CELF2: variants seen among roughly 807,000 people sequenced by gnomAD.
CELF2 encodes CUG triplet repeat RNA-binding protein 2.
Under a neutral mutation model 62.6 loss-of-function variants are expected in CELF2, and 8 were observed. That is an observed-to-expected ratio of 0.13 (90% CI 0.07 to 0.23). The LOEUF is 0.23. CELF2 is among the 10% of genes least tolerant of loss of function. CELF2 has a pLI of 1.00. For missense variants in CELF2, 333 were observed against 671.0 expected, an observed-to-expected ratio of 0.50 and a Z score of 5.56; for synonymous variants, 258 against 250.0, an observed-to-expected ratio of 1.03 and a Z score of -0.30.
rs1367650300 is a variant in CELF2, at chr10:10,972,548, A to G, written c.89+52549A>G. On this transcript the variant is annotated intron_variant, in intron 2 of 13. Transcript: ENST00000636488. The surrounding 1 kb of genome is among the most constrained non-coding windows in gnomAD (Gnocchi z 4.4). ...GCTTTGACCCACTGCTCTTCTTTCT[A>G]TATATTTACTCCCTGGCTGAGCTCA... 2.0e-5 allele frequency among the ~76,000 whole-genome samples: 3 copies of G among 151,918 alleles called. No homozygotes were observed. Among genetic ancestry groups the G allele is most frequent in the African/African-American group, 7.3e-5 (3 of 41,334 alleles).
chr10:10,662,307 A>G, the CELF2 span, among the ~76,000 whole-genome samples: 21 of 152,242 alleles, frequency 1.4e-4, no homozygotes, highest in Non-Finnish European at 2.5e-4. Flanking sequence ...GCTCAGATCC[A>G]GTGACTCCAG....
the CELF2 span, among the ~76,000 whole-genome samples, chr10:10,619,375 G>A: frequency 6.6e-6 from 1 of 152,192 alleles, no homozygotes. Context: ...CCAATTAGAG[G>A]CTATGGAAAA....
the CELF2 span, among the ~76,000 whole-genome samples, chr10:10,596,692 G>C: frequency 6.6e-6 from 1 of 152,238 alleles, no homozygotes; most frequent in Non-Finnish European, 1.5e-5. Flanking sequence ...CCAGGCATTT[G>C]TCCTCTTGTC....
In CELF2 at chr10:11,237,201, TAGG is replaced by T. The variant is rs1055930600; in HGVS notation, c.355-11949_355-11947del. 4.0e-5 allele frequency among the ~76,000 whole-genome samples: 6 copies of T among 151,646 alleles called. No individual in the cohort carries two copies. Among genetic ancestry groups the T allele is most frequent in the African/African-American group, 9.7e-5 (4 of 41,214 alleles). ...AAAGTCTATGAGAAGGAAAAGAAATTAGGAGAGAGAGAGAGAGCTAAACTGAGG... is the reference window on the plus strand; with the variant it reads ...AAAGTCTATGAGAAGGAAAAGAAATTAGAGAGAGAGAGAGCTAAACTGAGG... On this transcript the variant is annotated intron_variant, in intron 3 of 12. Transcript: ENST00000633077. The surrounding 1 kb of genome is among the most constrained non-coding windows in gnomAD (Gnocchi z 4.0).
the CELF2 span, among the ~76,000 whole-genome samples, chr10:10,517,136 G>A: frequency 4.7e-4 from 72 of 152,212 alleles, 1 homozygote; most frequent in African/African-American, 1.7e-3. Context: ...TTTACTCTAT[G>A]CAATTTATCT....
At chr10:10,766,589 G>T in the CELF2 span, among the ~76,000 whole-genome samples, 1 of 152,180 alleles carries the variant, frequency 6.6e-6, no homozygotes, top group Non-Finnish European at 1.5e-5. Context: ...ACTGCTGGAG[G>T]TTAGGTACTC....
At chr10:11,054,479 G>T (rs1027923743) in intron 1 of CELF2, among the ~76,000 whole-genome samples, 1 of 101,368 alleles carries the variant, frequency 9.9e-6, no homozygotes. Flanking sequence ...AAACAACTGT[G>T]TATGTGTGTT....
the CELF2 span, among the ~76,000 whole-genome samples, chr10:10,482,096 C>T: frequency 2.0e-5 from 3 of 152,122 alleles, no homozygotes; most frequent in Admixed American, 6.5e-5. Context: ...ATACACTCTG[C>T]GTCTGTGAGA....
chr10:11,034,837 G>T (rs1165643871), intron 1 of CELF2, among the ~76,000 whole-genome samples: 3 of 152,096 alleles, frequency 2.0e-5, no homozygotes, highest in African/African-American at 7.2e-5. Flanking sequence ...ACCCGGGATT[G>T]GGAATCTTGA....
In CELF2 at chr10:10,888,102, G is replaced by A. The variant is rs534851272; in HGVS notation, c.54-31862G>A. 2.0e-5 allele frequency among the ~76,000 whole-genome samples: 3 copies of A among 152,242 alleles called. No homozygotes were observed. In the East Asian group the frequency reaches 5.8e-4, roughly 29 times the overall value. On this transcript the variant is annotated intron_variant, in intron 1 of 13. Coordinates refer to the CELF2 transcript ENST00000636488. ...TAGACTTTTGATGCACTAACTGTAT[G>A]TGGGGGATGGTTTAGGATGTCAAGA...
At chr10:10,686,896 T>C in the CELF2 span, among the ~76,000 whole-genome samples, 1 of 152,214 alleles carries the variant, frequency 6.6e-6, no homozygotes, top group African/African-American at 2.4e-5. Flanking sequence ...ATGCCCAGCC[T>C]TATCTTCTTA....
At chr10:10,971,092 C>T (rs1033059628) in intron 2 of CELF2, among the ~76,000 whole-genome samples, 1 of 152,240 alleles carries the variant, frequency 6.6e-6, no homozygotes, top group African/African-American at 2.4e-5. Context: ...AACTCCTTCT[C>T]CTTGGGCTCC....
the CELF2 span, among the ~76,000 whole-genome samples, chr10:10,570,925 T>A: frequency 1.3e-5 from 2 of 152,018 alleles, no homozygotes; most frequent in Non-Finnish European, 2.9e-5. Flanking sequence ...TTTTTTGAGG[T>A]TGAAAGTGCG....
chr10:10,497,349 C>A, the CELF2 span, among the ~76,000 whole-genome samples: 3 of 152,092 alleles, frequency 2.0e-5, no homozygotes, highest in South Asian at 4.1e-4. Context: ...GAGAATCATG[C>A]ATTCAGTTCA....
At chr10:10,780,985 A>T in the CELF2 span, among the ~76,000 whole-genome samples, 1 of 152,246 alleles carries the variant, frequency 6.6e-6, no homozygotes, top group South Asian at 2.1e-4. Flanking sequence ...TGCCTCATTG[A>T]TAAAACATTC....
At chr10:10,954,235 A>ATTG (rs1193382897) in intron 2 of CELF2, among the ~76,000 whole-genome samples, 1 of 146,430 alleles carries the variant, frequency 6.8e-6, no homozygotes, top group African/African-American at 2.5e-5. Flanking sequence ...TATTATTATT[A>ATTG]TTATTATTAT....
At chr10:10,921,724 A>C (rs1383254038) in intron 2 of CELF2, among the ~76,000 whole-genome samples, 1 of 152,122 alleles carries the variant, frequency 6.6e-6, no homozygotes, top group African/African-American at 2.4e-5. Flanking sequence ...CCAGGCTTCT[A>C]TTTGAACAAG....
chr10:11,102,802 A>C (rs1054517780), intron 1 of CELF2, among the ~76,000 whole-genome samples: 3 of 152,138 alleles, frequency 2.0e-5, no homozygotes, highest in African/African-American at 4.8e-5. Flanking sequence ...CATGCCTTGG[A>C]ATCATGCCTC....
chr10:10,652,941 G>A, the CELF2 span, among the ~76,000 whole-genome samples: 4 of 152,138 alleles, frequency 2.6e-5, no homozygotes, highest in Non-Finnish European at 5.9e-5. Context: ...AAAGAGTCAA[G>A]ACCCATCAGT....
Sources: gnomAD v4.1 joint callset for allele counts (sites outside exome capture counted in the v4.1 genomes callset) on GRCh38, gnomAD v4.1.1 for gene constraint, Gnocchi (gnomAD v3.1) non-coding constraint, MANE v1.5 for transcripts, NCBI Gene and HGNC (gene_info 2026-07-23, HGNC 2026-07-21) for gene names.